PDZRN4: variants seen among roughly 807,000 people sequenced by gnomAD.
The protein encoded by PDZRN4 is PDZ domain-containing RING finger protein 4.
Under a neutral mutation model 99.0 loss-of-function variants are expected in PDZRN4, and 70 were observed. That is an observed-to-expected ratio of 0.71 (90% CI 0.58 to 0.86). PDZRN4 has a LOEUF of 0.86. Among genes scored for constraint, PDZRN4 ranks in the 40% least tolerant of loss-of-function variants. The pLI, the probability that PDZRN4 is intolerant of heterozygous loss-of-function variation, is 0.00. For synonymous variants in PDZRN4, 551 were observed against 501.6 expected, an observed-to-expected ratio of 1.10 and a Z score of -1.32; for missense variants, 1,474 against 1,331.2, an observed-to-expected ratio of 1.11 and a Z score of -1.67.
At position 41,213,112 on chromosome 12, in the gene PDZRN4, C is replaced by T. The variant is rs957263781; in HGVS notation, c.843+18924C>T. Among the ~76,000 whole-genome samples the T allele has an allele frequency of 2.6e-5, 4 of 152,156 alleles. No homozygotes were observed. In the East Asian group the frequency reaches 7.8e-4, roughly 29 times the overall value. On this transcript the variant is annotated intron_variant, in intron 3 of 9. Transcript: ENST00000402685. The stretch of plus-strand genomic sequence containing the variant: ...CCCCAATTTGATGTTAAATTATATC[C>T]TCCCCCATTTATAAATCGGGTTTTC...
At chr12:41,335,517 G>A (rs1469088324) in intron 3 of PDZRN4, among the ~76,000 whole-genome samples, 1 of 151,976 alleles carries the variant, frequency 6.6e-6, no homozygotes, top group East Asian at 1.9e-4. Context: ...ACTAATTAAT[G>A]GTGTCAGACC....
At chr12:41,372,787 G>T (rs74731273) in intron 3 of PDZRN4, among the ~76,000 whole-genome samples, 2,862 of 152,230 alleles carry the variant, frequency 0.019, 47 homozygotes, top group Middle Eastern at 0.048. Flanking sequence ...TCCTGAAGGT[G>T]CTGGAGAAAC....
intron 3 of PDZRN4, among the ~76,000 whole-genome samples, chr12:41,298,173 C>T (rs1565545098): frequency 1.3e-5 from 2 of 151,962 alleles, no homozygotes; most frequent in African/African-American, 4.8e-5. Flanking sequence ...AATAATCTTA[C>T]CCCAGGGAAA....
chr12:41,411,589 CT>C (rs1378633967), intron 3 of PDZRN4: 1 of 152,192 alleles, frequency 6.6e-6, no homozygotes, highest in Non-Finnish European at 1.5e-5. Context: ...CTGAGTTTGA[CT>C]TTTTAGCACG....
Position 41,573,477 on chromosome 12 carries a change from T to C in PDZRN4, c.2698T>C (p.Tyr900His), listed in dbSNP as rs1269577892. The C allele has an allele frequency of 6.2e-7, 1 of 1,613,836 alleles. No homozygotes were observed. The highest frequency in any genetic ancestry group is 1.1e-5 in the South Asian group (1 of 91,068). The change falls in exon 10 of 10, where the codon TAC (tyrosine) becomes CAC (histidine). Residue 900 changes from tyrosine (Y) to histidine (H), a missense_variant. By Grantham distance (83) the Tyr-to-His change is moderately conservative (BLOSUM62 2). Coordinates refer to ENST00000402685, the MANE Select transcript of PDZRN4 (RefSeq NM_001164595.2). The part of the protein sequence containing the change: ...KVKIRSDGTR[Y>H]ITKRPVRDRI... Reference sequence around the variant, plus strand: ...GAAAATTAGGAGCGACGGGACACGGTACATCACAAAGAGACCCGTGCGAGA... The same window carrying C: ...GAAAATTAGGAGCGACGGGACACGGCACATCACAAAGAGACCCGTGCGAGA...
chr12:41,397,885 T>C (rs1952261189), intron 3 of PDZRN4, among the ~76,000 whole-genome samples: 1 of 152,062 alleles, frequency 6.6e-6, no homozygotes, highest in Non-Finnish European at 1.5e-5. Flanking sequence ...TGTCTTATGG[T>C]AAAAGATACA....
chr12:41,292,239 A>G (rs1429229336), intron 3 of PDZRN4, among the ~76,000 whole-genome samples: 1 of 152,230 alleles, frequency 6.6e-6, no homozygotes, highest in East Asian at 1.9e-4. Flanking sequence ...AAACAGCTAG[A>G]GAGAGTTGTT....
chr12:41,283,129 A>G (rs1291486783), intron 3 of PDZRN4, among the ~76,000 whole-genome samples: 8 of 152,180 alleles, frequency 5.3e-5, no homozygotes, highest in Non-Finnish European at 1.0e-4. Flanking sequence ...AGACTAATTA[A>G]GAAGAAAAGA....
chr12:41,545,509 ATGTGTGTGTGTGTGTGTG>A (rs61040270), intron 5 of PDZRN4, among the ~76,000 whole-genome samples: 1 of 142,994 alleles, frequency 7.0e-6, no homozygotes, highest in African/African-American at 2.6e-5. Context: ...GATGATATTA[ATGTGTGTGTGTGTGTGTG>A]TGTGTGTGTG....
Position 41,216,018 on chromosome 12 carries a change from G to A in PDZRN4, c.843+21830G>A, listed in dbSNP as rs1393306425. Among the ~76,000 whole-genome samples, 3 of 151,868 alleles carry A rather than the reference G, an allele frequency of 2.0e-5. No homozygotes were observed. The East Asian group carries it at 5.8e-4, about 29-fold the overall frequency. Reference sequence around the variant, plus strand: ...GGACCTTAAAATACCTATTACCCCTGTGGTCCTGTCAAACTCATTCTATCA... The same window carrying A: ...GGACCTTAAAATACCTATTACCCCTATGGTCCTGTCAAACTCATTCTATCA... On this transcript the variant is annotated intron_variant, in intron 3 of 9. Coordinates refer to ENST00000402685, the MANE Select transcript of PDZRN4 (RefSeq NM_001164595.2).
chr12:41,225,905 C>T (rs1010572562), intron 3 of PDZRN4, among the ~76,000 whole-genome samples: 1 of 152,068 alleles, frequency 6.6e-6, no homozygotes, highest in South Asian at 2.1e-4. Flanking sequence ...CAGGCACCCC[C>T]CTGGAGTAGG....
At chr12:41,469,151 C>T (rs924399389) in intron 3 of PDZRN4, among the ~76,000 whole-genome samples, 6 of 152,106 alleles carry the variant, frequency 3.9e-5, no homozygotes, top group Non-Finnish European at 5.9e-5. Flanking sequence ...TATTCAGAAT[C>T]GGGGAAACTG....
At chr12:41,430,211 T>C (rs1470249600) in intron 3 of PDZRN4, among the ~76,000 whole-genome samples, 1 of 152,206 alleles carries the variant, frequency 6.6e-6, no homozygotes, top group Admixed American at 6.5e-5. Context: ...GGCTCACGCC[T>C]GTAATCCCAG....
intron 5 of PDZRN4, among the ~76,000 whole-genome samples, chr12:41,524,489 G>C (rs1938539443): frequency 6.6e-6 from 1 of 152,138 alleles, no homozygotes; most frequent in Admixed American, 6.6e-5. Flanking sequence ...CCTGGCTCCA[G>C]AGCAGATGCT....
rs538800066 is a variant in PDZRN4, at chr12:41,569,591, AT to A, written c.1584+1699del. On this transcript the variant is annotated intron_variant, in intron 9 of 9. Transcript: ENST00000402685. ...TCTTAACACATCTTAAAAGATGATA[AT>A]TTTTTTGAAAATCTTGACAGGCTTA... Among the ~76,000 whole-genome samples, 150 of 152,252 alleles carry A rather than the reference AT, an allele frequency of 9.9e-4. 1 individual carries two copies. The highest frequency in any genetic ancestry group is 3.4e-3 in the African/African-American group (141 of 41,554).
At chr12:41,221,205 G>A (rs1185771577) in intron 3 of PDZRN4, among the ~76,000 whole-genome samples, 1 of 152,216 alleles carries the variant, frequency 6.6e-6, no homozygotes, top group African/African-American at 2.4e-5. Flanking sequence ...CAGACTTTAT[G>A]TGATCAAGAA....
chr12:41,286,342 T>C (rs1360908024), intron 3 of PDZRN4, among the ~76,000 whole-genome samples: 11 of 142,346 alleles, frequency 7.7e-5, no homozygotes, highest in South Asian at 4.5e-4. Context: ...TCTTCTTTTT[T>C]TTTTTTTTTT....
intron 3 of PDZRN4, among the ~76,000 whole-genome samples, chr12:41,254,175 A>G (rs751478888): frequency 6.6e-6 from 1 of 152,088 alleles, no homozygotes; most frequent in Non-Finnish European, 1.5e-5. Context: ...TTTCAAAGGA[A>G]AAAGGAAAAA....
chr12:41,441,388 T>C (rs555180291), intron 3 of PDZRN4, among the ~76,000 whole-genome samples: 1 of 152,300 alleles, frequency 6.6e-6, no homozygotes, highest in African/African-American at 2.4e-5. Flanking sequence ...TTAATTTGAA[T>C]GGTTTGGCAC....
Sources: gnomAD v4.1 joint callset for allele counts (sites outside exome capture counted in the v4.1 genomes callset) on GRCh38, gnomAD v4.1.1 for gene constraint, MANE v1.5 for transcripts, NCBI Gene and HGNC (gene_info 2026-07-23, HGNC 2026-07-21) for gene names.